The following XKR4 variants were observed in gnomAD, a reference collection of about 807,000 sequenced individuals.
The protein encoded by XKR4 is XK related 4.
XKR4 carries 12 observed loss-of-function variants against 53.9 expected under a neutral mutation model. That is an observed-to-expected ratio of 0.22 (90% CI 0.14 to 0.36). XKR4 has a LOEUF of 0.36. Among genes scored for constraint, XKR4 ranks in the 10% least tolerant of loss-of-function variants. The pLI, the probability that XKR4 is intolerant of heterozygous loss-of-function variation, is 1.00. For missense variants in XKR4, 799 were observed against 859.5 expected, an observed-to-expected ratio of 0.93 and a Z score of 0.88; for synonymous variants, 354 against 362.4, an observed-to-expected ratio of 0.98 and a Z score of 0.26.
At chr8:55,493,625 C>T (rs1248585386) in intron 2 of XKR4, among the ~76,000 whole-genome samples, 1 of 152,188 alleles carries the variant, frequency 6.6e-6, no homozygotes, top group Non-Finnish European at 1.5e-5. Flanking sequence ...TTTAATGACT[C>T]TATTTTTGAA....
chr8:55,271,662 C>T (rs2129372623), intron 1 of XKR4, among the ~76,000 whole-genome samples: 1 of 152,324 alleles, frequency 6.6e-6, no homozygotes, highest in Admixed American at 6.5e-5. Context: ...CCAGGGGCAG[C>T]TGGAGGCAGC....
intron 1 of XKR4, among the ~76,000 whole-genome samples, chr8:55,325,178 G>A (rs540649338): frequency 1.2e-4 from 19 of 152,224 alleles, no homozygotes; most frequent in East Asian, 3.9e-4. Flanking sequence ...AATATGAGGC[G>A]TAATTTTAGC....
At chr8:55,149,681 C>A (rs566468923) in intron 1 of XKR4, among the ~76,000 whole-genome samples, 1 of 152,218 alleles carries the variant, frequency 6.6e-6, no homozygotes, top group South Asian at 2.1e-4. Context: ...TATAGCTTAG[C>A]TGAGCCCATA....
Position 55,103,063 on chromosome 8 carries a change from G to T in XKR4, c.575G>T (p.Cys192Phe). Reference protein sequence around the residue: ...ASSCPQPGADCKTVVGGGSAA... With the variant: ...ASSCPQPGADFKTVVGGGSAA... ...AGCTGCCCGCAGCCTGGAGCCGATT[G>T]CAAGACGGTGGTCGGCGGTGGGTCT... The change falls in exon 1 of 3, where the codon TGC becomes TTC. Residue 192 changes from cysteine to phenylalanine, a missense_variant. Coordinates refer to ENST00000327381, the MANE Select transcript of XKR4 (RefSeq NM_052898.2). The T allele has an allele frequency of 6.2e-7, 1 of 1,612,952 alleles. No homozygotes were observed. Among genetic ancestry groups the T allele is most frequent in the Admixed American group, 1.7e-5 (1 of 59,986 alleles).
intron 1 of XKR4, among the ~76,000 whole-genome samples, chr8:55,283,209 T>C (rs13276911): frequency 0.36 from 54,697 of 152,178 alleles, 12,036 homozygotes; most frequent in Non-Finnish European, 0.49. Flanking sequence ...CGTTAAGTGA[T>C]GCATGACTGT....
At chr8:55,205,427 G>A (rs1817632329) in intron 1 of XKR4, among the ~76,000 whole-genome samples, 1 of 152,152 alleles carries the variant, frequency 6.6e-6, no homozygotes. Context: ...ATAACGAGAG[G>A]CTGCATAAAG....
chr8:55,409,420 C>T (rs1310567480), intron 2 of XKR4, among the ~76,000 whole-genome samples: 1 of 152,156 alleles, frequency 6.6e-6, no homozygotes, highest in Non-Finnish European at 1.5e-5. Flanking sequence ...ATTATTTAAC[C>T]AGAGTGAGCT....
chr8:55,220,241 C>T (rs887412241), intron 1 of XKR4, among the ~76,000 whole-genome samples: 4 of 151,788 alleles, frequency 2.6e-5, no homozygotes, highest in African/African-American at 4.8e-5. Context: ...ATGATAGCAT[C>T]GAAAACTACA....
chr8:55,203,624 G>T (rs1002635238), intron 1 of XKR4, among the ~76,000 whole-genome samples: 1 of 152,158 alleles, frequency 6.6e-6, no homozygotes, highest in Non-Finnish European at 1.5e-5. Context: ...GCCTGGGCTG[G>T]AGTTAGAACC....
At chr8:55,294,798 C>T (rs1020972636) in intron 1 of XKR4, among the ~76,000 whole-genome samples, 1 of 152,066 alleles carries the variant, frequency 6.6e-6, no homozygotes, top group African/African-American at 2.4e-5. Flanking sequence ...TGTTTGCAGC[C>T]TTTGTTTCTG....
At chr8:55,446,963 A>G (rs1805356251) in intron 2 of XKR4, among the ~76,000 whole-genome samples, 1 of 152,174 alleles carries the variant, frequency 6.6e-6, no homozygotes, top group East Asian at 1.9e-4. Context: ...GAAAAATTGG[A>G]TAGGGAAAAA....
intron 1 of XKR4, among the ~76,000 whole-genome samples, chr8:55,197,272 T>G (rs34904614): frequency 0.2 from 30,999 of 152,146 alleles, 3,271 homozygotes; most frequent in Non-Finnish European, 0.22. Context: ...TTTGAATGGG[T>G]TGTCTCCACA....
intron 2 of XKR4, among the ~76,000 whole-genome samples, chr8:55,435,317 A>T (rs1376624666): frequency 6.6e-6 from 1 of 152,042 alleles, no homozygotes; most frequent in Non-Finnish European, 1.5e-5. Flanking sequence ...CTTCCCTTAG[A>T]ATTGAGTACA....
At position 55,102,781 on chromosome 8, in the gene XKR4, T is replaced by G. The variant is rs1816068262; in HGVS notation, c.293T>G (p.Leu98Arg). 3.8e-6 allele frequency: 6 copies of G among 1,578,404 alleles called. No homozygotes were observed. Among genetic ancestry groups the G allele is most frequent in the Non-Finnish European group, 4.3e-6 (5 of 1,169,454 alleles). The change falls in exon 1 of 3, where the codon CTG becomes CGG. Residue 98 changes from leucine to arginine, a missense_variant. Leu to Arg is a moderately radical substitution (Grantham distance 102). Coordinates refer to ENST00000327381, the MANE Select transcript of XKR4 (RefSeq NM_052898.2). This position sits in a 1 kb window ranked among gnomAD's most constrained non-coding sequence, Gnocchi z 5.1. ...GGGAGSAALCLRLGREQRRYS... is the reference protein window; with the variant it reads ...GGGAGSAALCRRLGREQRRYS... The stretch of plus-strand genomic sequence containing the variant: ...GGGGCGGGCTCGGCTGCGCTGTGCC[T>G]GCGCCTGGGCAGGGAGCAGCGGCGC...
At chr8:55,284,486 C>A (rs762858830) in intron 1 of XKR4, among the ~76,000 whole-genome samples, 6 of 152,226 alleles carry the variant, frequency 3.9e-5, no homozygotes, top group Middle Eastern at 6.8e-3. Context: ...CGTATGGCTA[C>A]TGACAAAAAG....
At chr8:55,109,801 T>C (rs1365308633) in intron 1 of XKR4, among the ~76,000 whole-genome samples, 2 of 152,336 alleles carry the variant, frequency 1.3e-5, no homozygotes, top group African/African-American at 2.4e-5. Flanking sequence ...TTGAACAATG[T>C]CCACAAATCC....
In XKR4 at chr8:55,389,933, G is replaced by A. The variant is rs145205624; in HGVS notation, c.1006+32056G>A. ...TCCCCCTCTCTGACCCAAGACTCAC[G>A]TCAATGTTCCTGCCCAGGGCTGATT... On this transcript the variant is annotated intron_variant, in intron 2 of 2. Transcript: ENST00000327381. Among the ~76,000 whole-genome samples the A allele has an allele frequency of 5.5e-4, 84 of 152,168 alleles. 1 individual carries two copies. The highest frequency in any genetic ancestry group is 1.5e-3 in the African/African-American group (64 of 41,518).
rs5891562 is a variant in XKR4 at position 55,219,011 on chromosome 8, C to CTTTTTT, written c.806+115725_806+115730dup. ...CCTCAAATCAAATTCTAGAAGCAGT[C>CTTTTTT]TTTTTTTTTTTTTGTAAGATAGAAG... is the stretch of plus-strand genomic sequence containing the variant. On this transcript the variant is annotated intron_variant, in intron 1 of 2. Transcript: ENST00000327381. 6.9e-3 allele frequency among the ~76,000 whole-genome samples: 1,009 copies of CTTTTTT among 146,006 alleles called. 11 individuals are homozygous for CTTTTTT. Among genetic ancestry groups the CTTTTTT allele is most frequent in the Middle Eastern group, 0.011 (3 of 280 alleles).
intron 1 of XKR4, among the ~76,000 whole-genome samples, chr8:55,182,297 T>C (rs1817321539): frequency 1.3e-5 from 2 of 152,178 alleles, no homozygotes; most frequent in Non-Finnish European, 2.9e-5. Flanking sequence ...TTTTCTTTTA[T>C]GGATCACACT....
Sources: gnomAD v4.1 joint callset for allele counts (sites outside exome capture counted in the v4.1 genomes callset) on GRCh38, gnomAD v4.1.1 for gene constraint, Gnocchi (gnomAD v3.1) non-coding constraint, MANE v1.5 for transcripts, NCBI Gene and HGNC (gene_info 2026-07-23, HGNC 2026-07-21) for gene names.